Variants in CHST9 observed in about 807,000 individuals in gnomAD.
CHST9 encodes carbohydrate sulfotransferase 9.
A neutral mutation model predicts 44.4 loss-of-function variants in CHST9; 41 were observed. That is an observed-to-expected ratio of 0.92 (90% confidence interval 0.72 to 1.20). The LOEUF is 1.20. CHST9 is among the 50% of genes most tolerant of loss of function. The pLI, the probability that CHST9 is intolerant of heterozygous loss-of-function variation, is 0.00. For synonymous variants in CHST9, 171 were observed against 178.4 expected (o/e 0.96, Z 0.33); for missense variants, 504 against 516.5 (o/e 0.98, Z 0.23).
chr18:27,119,850 T>A (rs1022388309), intron 2 of CHST9, among the ~76,000 whole-genome samples: 1 of 152,120 alleles, frequency 6.6e-6, no homozygotes, highest in African/African-American at 2.4e-5. Context: ...TAAGTAAGGG[T>A]CAGGCACAGT....
At chr18:26,917,396 GTGGGTATAC>G in intron 5 of CHST9, 46 bp from the exon 6 acceptor site, 1 of 1,573,618 alleles carries the variant, frequency 6.4e-7, no homozygotes, top group Non-Finnish European at 8.6e-7. Flanking sequence ...AGTCACGAGT[GTGGGTATAC>G]TGGATAAGGA....
chr18:27,065,306 T>C (rs890468908), intron 2 of CHST9, among the ~76,000 whole-genome samples: 2 of 152,336 alleles, frequency 1.3e-5, no homozygotes, highest in South Asian at 4.1e-4. Context: ...GAATCTTTTA[T>C]AACCACTGTG....
chr18:26,922,629 T>TTTTATTTATTTA (rs140641649), intron 5 of CHST9, among the ~76,000 whole-genome samples: 2 of 150,696 alleles, frequency 1.3e-5, no homozygotes, highest in East Asian at 3.9e-4. Context: ...TTCTTGTTAT[T>TTTTATTTATTTA]TTTATTTATT....
At chr18:26,955,128 T>C (rs1201370047) in intron 4 of CHST9, among the ~76,000 whole-genome samples, 2 of 152,168 alleles carry the variant, frequency 1.3e-5, no homozygotes, top group South Asian at 2.1e-4. Flanking sequence ...CCATATCAAA[T>C]GCTTTGTTTG....
At chr18:27,160,631 A>T (rs2143927116) in intron 1 of CHST9, among the ~76,000 whole-genome samples, 1 of 152,222 alleles carries the variant, frequency 6.6e-6, no homozygotes, top group African/African-American at 2.4e-5. Context: ...ACATAAAATG[A>T]GTTAGGGAGG....
chr18:27,089,067 G>T (rs1022010137), intron 2 of CHST9, among the ~76,000 whole-genome samples: 1 of 152,132 alleles, frequency 6.6e-6, no homozygotes, highest in African/African-American at 2.4e-5. Context: ...CACACTATTC[G>T]TAAAACTTAG....
intron 1 of CHST9, among the ~76,000 whole-genome samples, chr18:27,164,503 A>G (rs1484909363): frequency 6.6e-6 from 1 of 152,112 alleles, no homozygotes; most frequent in Non-Finnish European, 1.5e-5. Context: ...AAGTAATAGG[A>G]ATTTCAGACA....
In CHST9 at chr18:27,149,029, TG is replaced by T. The variant is rs1229432042; in HGVS notation, c.-96-6125del. 1.5e-5 allele frequency among the ~76,000 whole-genome samples: 2 copies of T among 131,788 alleles called. 1 individual carries two copies. The highest frequency in any genetic ancestry group is 3.3e-5 in the Non-Finnish European group (2 of 59,776). 86.5% of individuals were successfully genotyped at this position (131,788 alleles called of 152,430 possible). A position where few individuals can be genotyped will look rare whatever the true frequency, so the allele number is the denominator to read the frequency against. ...GCCAGTGATGATGAGCATTTTTTCA[TG>T]TGTTTTTTGGCTGCATGAATGTCTT... On this transcript the variant is annotated intron_variant, in intron 1 of 5. Transcript: ENST00000618847.
chr18:27,119,341 T>C (rs2058355125), intron 2 of CHST9, among the ~76,000 whole-genome samples: 1 of 152,214 alleles, frequency 6.6e-6, no homozygotes, highest in South Asian at 2.1e-4. Flanking sequence ...ATTGGGCTTT[T>C]AGAAGTTCTG....
intron 2 of CHST9, among the ~76,000 whole-genome samples, chr18:27,123,017 G>A (rs1258616715): frequency 6.6e-6 from 1 of 152,172 alleles, no homozygotes; most frequent in Admixed American, 6.5e-5. Context: ...CTAAATGGGT[G>A]TTCTTGTGGT....
chr18:27,158,401 A>G (rs1278574757), intron 1 of CHST9, among the ~76,000 whole-genome samples: 1 of 151,916 alleles, frequency 6.6e-6, no homozygotes, highest in East Asian at 1.9e-4. Context: ...GATGGTTTTC[A>G]GCTTCATCCA....
At chr18:27,141,306 A>G (rs1252203380) in intron 2 of CHST9, among the ~76,000 whole-genome samples, 1 of 152,156 alleles carries the variant, frequency 6.6e-6, no homozygotes, top group African/African-American at 2.4e-5. Context: ...CGGAGCTTGC[A>G]GTGAGCTGAG....
intron 3 of CHST9, among the ~76,000 whole-genome samples, chr18:27,033,456 C>T (rs1432298497): frequency 6.6e-6 from 1 of 152,100 alleles, no homozygotes; most frequent in African/African-American, 2.4e-5. Context: ...GTGAGACTTG[C>T]CCTTATGTCC....
At chr18:27,133,552 A>G (rs1159169361) in intron 2 of CHST9, among the ~76,000 whole-genome samples, 1 of 152,222 alleles carries the variant, frequency 6.6e-6, no homozygotes, top group African/African-American at 2.4e-5. Flanking sequence ...ATCTGGAAGC[A>G]GGGGCAGCTG....
intron 4 of CHST9, among the ~76,000 whole-genome samples, chr18:26,948,463 G>C (rs1455059000): frequency 6.6e-6 from 1 of 152,172 alleles, no homozygotes; most frequent in Non-Finnish European, 1.5e-5. Flanking sequence ...CTGAAACACT[G>C]ACTCCTCAGG....
intron 4 of CHST9, among the ~76,000 whole-genome samples, chr18:26,976,308 G>A (rs558837971): frequency 5.0e-4 from 76 of 152,148 alleles, no homozygotes; most frequent in African/African-American, 1.7e-3. Flanking sequence ...AAAAGGAGTT[G>A]TGGCCAAAGC....
chr18:26,994,149 CA>C (rs2056857653), intron 4 of CHST9, among the ~76,000 whole-genome samples: 1 of 152,218 alleles, frequency 6.6e-6, no homozygotes, highest in Non-Finnish European at 1.5e-5. Flanking sequence ...AAAATACAAT[CA>C]CATTCTGAGG....
intron 2 of CHST9, among the ~76,000 whole-genome samples, chr18:27,074,764 A>G (rs2057881820): frequency 6.7e-6 from 1 of 150,076 alleles, no homozygotes; most frequent in South Asian, 2.1e-4. Flanking sequence ...GAGTATGTCA[A>G]TATGTTACAT....
At position 27,148,863 on chromosome 18, in the gene CHST9, C is replaced by T. The variant is rs182417826; in HGVS notation, c.-96-5958G>A. Among the ~76,000 whole-genome samples the T allele has an allele frequency of 1.8e-4, 25 of 140,586 alleles. 1 individual carries two copies. In the East Asian group the frequency reaches 5.1e-3, roughly 29 times the overall value. The allele number at this position is 140,586 out of a possible 152,430, so 92.2% of individuals were successfully genotyped here. A position where few individuals can be genotyped will look rare whatever the true frequency, so the allele number is the denominator to read the frequency against. On this transcript the variant is annotated intron_variant, in intron 1 of 5. Transcript: ENST00000618847. ...CTTCCACAATGGTTGAACTAGTTTA[C>T]AGTTCCATCAACAGTGTAAAAGTGT...
Sources: allele counts gnomAD v4.1 joint callset (sites outside exome capture counted in the v4.1 genomes callset), GRCh38; gene constraint gnomAD v4.1.1; transcripts MANE v1.5; gene names NCBI Gene and HGNC (gene_info 2026-07-23, HGNC 2026-07-21).